Variants in EBF1 observed in about 807,000 individuals in gnomAD.
EBF1 encodes the protein EBF transcription factor 1.
A neutral mutation model predicts 68.4 loss-of-function variants in EBF1; 10 were observed. The ratio of observed to expected loss-of-function variants is 0.15; its 90% CI spans 0.09 to 0.25. EBF1 has a LOEUF of 0.25. Ranked by LOEUF, EBF1 falls within the 10% of genes least tolerant of loss-of-function variation. The pLI is 1.00. For synonymous variants in EBF1, 298 were observed against 299.8 expected, an observed-to-expected ratio of 0.99 and a Z score of 0.06; for missense variants, 509 against 794.4, an observed-to-expected ratio of 0.64 and a Z score of 4.32.
intron 4 of EBF1, among the ~76,000 whole-genome samples, chr5:159,089,828 G>GAAGAA (rs548558621): frequency 1.4e-5 from 2 of 144,744 alleles, no homozygotes; most frequent in Non-Finnish European, 3.1e-5. Flanking sequence ...AAGAAAGAAA[G>GAAGAA]AAGAAAAGAA....
chr5:158,734,020 G>C (rs974586246), intron 10 of EBF1, among the ~76,000 whole-genome samples: 1 of 152,152 alleles, frequency 6.6e-6, no homozygotes, highest in Non-Finnish European at 1.5e-5. Flanking sequence ...GCATGGAATA[G>C]AATATGATGC....
chr5:158,767,407 ATT>A (rs1460048717), intron 10 of EBF1, among the ~76,000 whole-genome samples: 2 of 152,166 alleles, frequency 1.3e-5, no homozygotes, highest in Admixed American at 1.3e-4. Context: ...CAACAACTGC[ATT>A]TCAGGGAATC....
chr5:158,827,729 T>A (rs369456504), intron 7 of EBF1, among the ~76,000 whole-genome samples: 1 of 152,188 alleles, frequency 6.6e-6, no homozygotes, highest in East Asian at 1.9e-4. Flanking sequence ...AATTCAATCA[T>A]GAGTGGAAGA....
At chr5:158,795,854 C>T (rs936083854) in intron 9 of EBF1, among the ~76,000 whole-genome samples, 4 of 152,136 alleles carry the variant, frequency 2.6e-5, no homozygotes, top group African/African-American at 9.7e-5. Flanking sequence ...TCTAGGTTCT[C>T]CCAGCAAATC....
At chr5:158,851,593 G>A (rs530942861) in intron 6 of EBF1, among the ~76,000 whole-genome samples, 2 of 67,740 alleles carry the variant, frequency 3.0e-5, no homozygotes, top group Non-Finnish European at 6.6e-5. Flanking sequence ...AAAAAGGGAA[G>A]GGGAGGGGAG....
chr5:158,813,460 C>T (rs1474150609), intron 8 of EBF1, among the ~76,000 whole-genome samples: 2 of 152,104 alleles, frequency 1.3e-5, no homozygotes, highest in East Asian at 3.9e-4. Flanking sequence ...CTATGTATGC[C>T]ACATTTCTAT....
chr5:158,863,495 T>G (rs1298491778), intron 6 of EBF1, among the ~76,000 whole-genome samples: 1 of 152,202 alleles, frequency 6.6e-6, no homozygotes, highest in African/African-American at 2.4e-5. Context: ...TATAAATATC[T>G]GCTTGATTCC....
intron 6 of EBF1, among the ~76,000 whole-genome samples, chr5:158,963,045 T>C (rs1304153744): frequency 6.6e-6 from 1 of 152,224 alleles, no homozygotes; most frequent in Non-Finnish European, 1.5e-5. Context: ...TCCATTTCCC[T>C]GGCATTCTGG....
intron 6 of EBF1, among the ~76,000 whole-genome samples, chr5:158,966,947 T>G (rs2127549167): frequency 6.6e-6 from 1 of 152,308 alleles, no homozygotes; most frequent in African/African-American, 2.4e-5. Context: ...TTAGGGCAGA[T>G]GTCAAGTATA....
intron 10 of EBF1, among the ~76,000 whole-genome samples, chr5:158,748,421 C>A (rs1245687926): frequency 2.6e-5 from 4 of 152,102 alleles, no homozygotes; most frequent in Admixed American, 2.6e-4. Flanking sequence ...TGCTCATAAC[C>A]CAGAAATGAG....
intron 6 of EBF1, chr5:158,983,045 C>T (rs1423247358): frequency 6.6e-6 from 1 of 152,168 alleles, no homozygotes; most frequent in Non-Finnish European, 1.5e-5. Flanking sequence ...ATCTTGGGGG[C>T]TCCTGACTCC....
chr5:158,773,171 G>A (rs986667395), intron 10 of EBF1, among the ~76,000 whole-genome samples: 11 of 151,664 alleles, frequency 7.3e-5, no homozygotes, highest in Non-Finnish European at 1.2e-4. Context: ...AAATAAGAGG[G>A]ATAGGGAGAA....
intron 6 of EBF1, among the ~76,000 whole-genome samples, chr5:158,859,760 C>G (rs1794661115): frequency 1.3e-5 from 2 of 152,214 alleles, no homozygotes; most frequent in Admixed American, 1.3e-4. Flanking sequence ...CGAGCCCACT[C>G]CTCAAGCCAA....
chr5:159,005,396 A>G (rs1224970931), intron 6 of EBF1, among the ~76,000 whole-genome samples: 4 of 152,194 alleles, frequency 2.6e-5, no homozygotes, highest in Non-Finnish European at 5.9e-5. Flanking sequence ...TGAGAATATA[A>G]TGAACCAACA....
intron 10 of EBF1, among the ~76,000 whole-genome samples, chr5:158,753,213 G>A (rs1769314599): frequency 6.6e-6 from 1 of 152,040 alleles, no homozygotes; most frequent in Non-Finnish European, 1.5e-5. Flanking sequence ...AGAAGGAAAG[G>A]ATACCGGAGT....
Position 158,823,433 on chromosome 5 carries a change from A to G in EBF1, c.637-116T>C, listed in dbSNP as rs528100898. 1.1e-5 allele frequency: 10 copies of G among 952,086 alleles called. No individual in the cohort carries two copies. In the East Asian group the frequency reaches 1.3e-4, roughly 13 times the overall value. 59.0% of individuals were successfully genotyped at this position (952,086 alleles called of 1,614,324 possible). A position where few individuals can be genotyped will look rare whatever the true frequency, so the allele number is the denominator to read the frequency against. ...GAAGAAAATTGCATAGCTATTTCAC[A>G]TAATAACTGGTGCTTATGCTGTACA... is the stretch of plus-strand genomic sequence containing the variant. On this transcript the variant is annotated intron_variant, in intron 7 of 15. Coordinates refer to ENST00000313708, the MANE Select transcript of EBF1 (RefSeq NM_024007.5).
intron 6 of EBF1, among the ~76,000 whole-genome samples, chr5:158,864,842 G>A (rs1795596645): frequency 6.6e-6 from 1 of 152,194 alleles, no homozygotes; most frequent in South Asian, 2.1e-4. Context: ...CAGTGAGCGA[G>A]GAGGGAGGTG....
intron 6 of EBF1, among the ~76,000 whole-genome samples, chr5:158,979,850 C>T (rs1460370116): frequency 6.6e-6 from 1 of 152,136 alleles, no homozygotes; most frequent in Non-Finnish European, 1.5e-5. Flanking sequence ...TTCTAAGTTT[C>T]TCTTATTCAT....
At chr5:159,010,867 A>T (rs1764523416) in intron 6 of EBF1, among the ~76,000 whole-genome samples, 1 of 152,266 alleles carries the variant, frequency 6.6e-6, no homozygotes, top group Non-Finnish European at 1.5e-5. Context: ...TACCAAGGGG[A>T]AATCATAAAC....
Sources: allele counts gnomAD v4.1 joint callset (sites outside exome capture counted in the v4.1 genomes callset), GRCh38; gene constraint gnomAD v4.1.1; transcripts MANE v1.5; gene names NCBI Gene and HGNC (gene_info 2026-07-23, HGNC 2026-07-21).